STAT5B: variants seen among roughly 807,000 people sequenced by gnomAD.
STAT5B encodes the protein transcription factor STAT5B.
STAT5B carries 21 observed loss-of-function variants against 107.8 expected under a neutral mutation model. The observed-to-expected ratio is 0.19, with a 90% CI of 0.14 to 0.28. The LOEUF (loss-of-function observed/expected upper bound fraction) is 0.28, where lower values mean the gene tolerates loss of function less well. Among genes scored for constraint, STAT5B ranks in the 10% least tolerant of loss-of-function variants. STAT5B has a pLI of 1.00. For synonymous variants in STAT5B, 325 were observed against 401.7 expected, an observed-to-expected ratio of 0.81 and a Z score of 2.28; for missense variants, 565 against 1,008.2, an observed-to-expected ratio of 0.56 and a Z score of 5.95.
At chr17:42,268,609 G>T (rs1178372354) in intron 1 of STAT5B, 1 of 152,036 alleles carries the variant, frequency 6.6e-6, no homozygotes, top group African/African-American at 2.4e-5. Context: ...CTAGTATCCA[G>T]TTCTCACTAT....
chr17:42,224,942 G>C, intron 3 of STAT5B, 74 bp from the exon 4 acceptor site: 2 of 1,473,984 alleles, frequency 1.4e-6, no homozygotes, highest in South Asian at 1.2e-5. Context: ...TCAGGATGGG[G>C]AGCCTCCTGA....
chr17:42,212,062 C>T lies in STAT5B; in HGVS notation c.1602G>A (p.Ala534=), dbSNP rs1330061925. 8.1e-6 allele frequency: 13 copies of T among 1,613,960 alleles called. No homozygotes were observed. Among genetic ancestry groups the T allele is most frequent in the East Asian group, 4.5e-5 (2 of 44,894 alleles). The part of the protein sequence containing the change: ...GLTKENLVFL[A]QKLFNNSSSH... The stretch of plus-strand genomic sequence containing the variant: ...TGCTGCTGTTGTTGAACAGTTTCTG[C>T]GCCAGGAACACGAGGTTCTCCTTGG... The change falls in exon 13 of 19, where the codon GCG becomes GCA. Residue 534 remains alanine, a synonymous_variant. Transcript: ENST00000293328.
intron 16 of STAT5B, among the ~76,000 whole-genome samples, chr17:42,203,199 C>T (rs1030355936): frequency 6.6e-6 from 1 of 152,096 alleles, no homozygotes; most frequent in Admixed American, 6.5e-5. Context: ...CCTTGGCCCC[C>T]CAAGGTGCTG....
At chr17:42,279,170 T>A (rs1343331763), upstream of STAT5B, among the ~76,000 whole-genome samples, 1 of 148,698 alleles carries the variant, frequency 6.7e-6, no homozygotes, top group Non-Finnish European at 1.5e-5. Flanking sequence ...GGCGACAGAG[T>A]GAGACCTGTC....
At chr17:42,226,370 G>A (rs574151910) in intron 3 of STAT5B, among the ~76,000 whole-genome samples, 15 of 152,220 alleles carry the variant, frequency 9.9e-5, no homozygotes, top group Non-Finnish European at 1.6e-4. Flanking sequence ...GGACTGCAGC[G>A]GGGAAAAATA....
Position 42,232,095 on chromosome 17 carries a change from T to C in STAT5B, c.33A>G (p.Gln11=), listed in dbSNP as rs760427357. The C allele has an allele frequency of 2.5e-6, 4 of 1,614,076 alleles. No individual in the cohort carries two copies. The highest frequency in any genetic ancestry group is 2.7e-5 in the African/African-American group (2 of 75,024). The change falls in exon 2 of 19, where the codon CAA becomes CAG. Residue 11 remains glutamine (Q), a synonymous_variant. Transcript: ENST00000293328. MAVWIQAQQL[Q]GEALHQMQAL... ...CTTGCATCTGATGAAGGGCTTCTCC[T>C]TGGAGCTGCTGAGCTTGTATCCACA...
Position 42,199,517 on chromosome 17 carries a change from G to A in STAT5B, c.*2221C>T, listed in dbSNP as rs1213694599. The A allele has an allele frequency of 6.6e-6, 1 of 152,308 alleles. No individual in the cohort carries two copies. Among genetic ancestry groups the A allele is most frequent in the African/African-American group, 2.4e-5 (1 of 41,448 alleles). The allele number at this position is 152,308 out of a possible 1,614,324, so 9.4% of individuals were successfully genotyped here. A position where few individuals can be genotyped will look rare whatever the true frequency, so the allele number is the denominator to read the frequency against. On this transcript the variant is annotated 3_prime_UTR_variant, in exon 19 of 19. Transcript: ENST00000293328. ...TGTGTGTGTCTGGGAGTGGGTGAGAGGCTGATGGGGTCGAGACACACCACT... is the reference window on the plus strand; with the variant it reads ...TGTGTGTGTCTGGGAGTGGGTGAGAAGCTGATGGGGTCGAGACACACCACT...
intron 2 of STAT5B, among the ~76,000 whole-genome samples, chr17:42,229,827 C>T (rs574398682): frequency 5.5e-4 from 83 of 151,420 alleles, no homozygotes; most frequent in Non-Finnish European, 9.9e-4. Flanking sequence ...GCCGAGATCA[C>T]GCCACTGCAG....
At chr17:42,258,045 T>G (rs1402065636) in intron 1 of STAT5B, among the ~76,000 whole-genome samples, 2 of 152,220 alleles carry the variant, frequency 1.3e-5, no homozygotes, top group Non-Finnish European at 1.5e-5. Context: ...ATTTTCATCT[T>G]TAGGGACATA....
rs2080045619 is a variant in STAT5B, at chr17:42,201,720, G to C, written c.*18C>G. 6.9e-6 allele frequency: 10 copies of C among 1,455,968 alleles called. No individual in the cohort carries two copies. The highest frequency in any genetic ancestry group is 9.7e-6 in the Non-Finnish European group (10 of 1,035,554). The allele number at this position is 1,455,968 out of a possible 1,614,324, so 90.2% of individuals were successfully genotyped here. ...CTCTGGTGAAGATGAAGAAGCTGAA[G>C]ATGGAGAGGTCGCGGGGTCACGATT... On this transcript the variant is annotated 3_prime_UTR_variant, in exon 19 of 19. Coordinates refer to ENST00000293328, the MANE Select transcript of STAT5B (RefSeq NM_012448.4).
At chr17:42,242,081 T>A (rs550845718) in intron 1 of STAT5B, among the ~76,000 whole-genome samples, 1 of 152,208 alleles carries the variant, frequency 6.6e-6, no homozygotes, top group East Asian at 1.9e-4. Context: ...GCCATTAATC[T>A]TTATGTCACA....
At chr17:42,212,340 C>A (rs1186599210) in intron 12 of STAT5B, 150 bp from the exon 13 acceptor site, 2 of 1,338,144 alleles carry the variant, frequency 1.5e-6, no homozygotes, top group Non-Finnish European at 2.1e-6. Flanking sequence ...CTGGGGTACA[C>A]GGTTCTGTGA....
At chr17:42,254,603 T>C (rs1035300818) in intron 1 of STAT5B, among the ~76,000 whole-genome samples, 2 of 151,964 alleles carry the variant, frequency 1.3e-5, no homozygotes, top group South Asian at 2.1e-4. Context: ...GGTGAACTGC[T>C]AGAGAGCTAT....
intron 13 of STAT5B, 153 bp from the exon 14 acceptor site, chr17:42,210,650 C>T: frequency 1.4e-6 from 1 of 739,298 alleles, no homozygotes; most frequent in Non-Finnish European, 2.3e-6. Context: ...TACCTAATGG[C>T]CCCATGGAGA....
chr17:42,225,212 G>A (rs1177402145), intron 3 of STAT5B, among the ~76,000 whole-genome samples: 1 of 151,960 alleles, frequency 6.6e-6, no homozygotes, highest in Non-Finnish European at 1.5e-5. Context: ...CCGCCACCAC[G>A]CCTGGCTAAT....
intron 1 of STAT5B, among the ~76,000 whole-genome samples, chr17:42,262,272 G>A (rs962597558): frequency 1.3e-5 from 2 of 151,784 alleles, no homozygotes; most frequent in Non-Finnish European, 2.9e-5. Flanking sequence ...GCAATCCTCC[G>A]ACCTCAGCCT....
At chr17:42,238,757 A>G (rs2080378009) in intron 1 of STAT5B, among the ~76,000 whole-genome samples, 1 of 151,580 alleles carries the variant, frequency 6.6e-6, no homozygotes, top group African/African-American at 2.4e-5. Context: ...AAAAGATGGC[A>G]TTCCTATTTC....
chr17:42,265,395 G>GTTTTTTTTTTTTTTTTTTTTTT (rs1567678433), intron 1 of STAT5B, among the ~76,000 whole-genome samples: 1 of 69,958 alleles, frequency 1.4e-5, no homozygotes, highest in African/African-American at 9.4e-5. Flanking sequence ...TTTTTGAGAC[G>GTTTTTTTTTTTTTTTTTTTTTT]AAGTCTCGCT....
rs1023695866 is a variant in STAT5B, at chr17:42,276,149, G to C, written c.-11+99C>G. On this transcript the variant is annotated intron_variant, in intron 1 of 18. Transcript: ENST00000293328. This position sits in a 1 kb window ranked among gnomAD's most constrained non-coding sequence, Gnocchi z 4.8. ...GGAGTGATGGCGGCGGCGCGGCCCTGACGGGCGGCTGAGCGGCTGGAGCGC... is the reference window on the plus strand; with the variant it reads ...GGAGTGATGGCGGCGGCGCGGCCCTCACGGGCGGCTGAGCGGCTGGAGCGC... 2.0e-5 allele frequency: 3 copies of C among 149,292 alleles called. No homozygotes were observed. The highest frequency in any genetic ancestry group is 7.3e-5 in the African/African-American group (3 of 40,968). 9.2% of individuals were successfully genotyped at this position (149,292 alleles called of 1,614,324 possible). A position where few individuals can be genotyped will look rare whatever the true frequency, so the allele number is the denominator to read the frequency against.
Sources: gnomAD v4.1 joint callset for allele counts (sites outside exome capture counted in the v4.1 genomes callset) on GRCh38, gnomAD v4.1.1 for gene constraint, Gnocchi (gnomAD v3.1) non-coding constraint, MANE v1.5 for transcripts, NCBI Gene and HGNC (gene_info 2026-07-23, HGNC 2026-07-21) for gene names.